The following CNTN4 variants were observed in gnomAD, a reference collection of about 807,000 sequenced individuals.
The protein encoded by CNTN4 is contactin-4.
Under a neutral mutation model 122.5 loss-of-function variants are expected in CNTN4, and 77 were observed. The observed-to-expected ratio is 0.63, with a 90% CI of 0.52 to 0.76. The LOEUF (loss-of-function observed/expected upper bound fraction) is 0.76. CNTN4 is among the 30% of genes least tolerant of loss of function. CNTN4 has a pLI of 0.00. For synonymous variants in CNTN4, 512 were observed against 447.0 expected (o/e 1.15, Z -1.83); for missense variants, 1,256 against 1,259.1 (o/e 1.00, Z 0.04).
chr3:2,618,853 C>T (rs2081882109), intron 4 of CNTN4, among the ~76,000 whole-genome samples: 1 of 152,186 alleles, frequency 6.6e-6, no homozygotes, highest in Non-Finnish European at 1.5e-5. Flanking sequence ...TTTTCAGACA[C>T]ATTGGCAACC....
chr3:2,600,388 C>G (rs1471393266), intron 4 of CNTN4, among the ~76,000 whole-genome samples: 1 of 152,014 alleles, frequency 6.6e-6, no homozygotes, highest in Admixed American at 6.6e-5. Context: ...GTGTGATGTC[C>G]CCCTTCCTGT....
At chr3:2,801,998 C>T (rs1346458345) in intron 6 of CNTN4, among the ~76,000 whole-genome samples, 4 of 152,154 alleles carry the variant, frequency 2.6e-5, no homozygotes, top group Non-Finnish European at 5.9e-5. Flanking sequence ...TGTAAGGAAA[C>T]ATATCATTAT....
chr3:2,576,062 C>T (rs7637354), intron 4 of CNTN4, among the ~76,000 whole-genome samples: 1 of 151,990 alleles, frequency 6.6e-6, no homozygotes, highest in Admixed American at 6.6e-5. Flanking sequence ...GTCTCGATCT[C>T]CTGACCTTGT....
chr3:2,150,107 G>C (rs1376724147), intron 2 of CNTN4, among the ~76,000 whole-genome samples: 2 of 152,018 alleles, frequency 1.3e-5, no homozygotes, highest in African/African-American at 4.8e-5. Flanking sequence ...GACACATTGT[G>C]AGCATTCAGT....
intron 3 of CNTN4, among the ~76,000 whole-genome samples, chr3:2,552,965 G>A (rs1383570025): frequency 6.6e-6 from 1 of 152,124 alleles, no homozygotes; most frequent in African/African-American, 2.4e-5. Context: ...CACTCACTGT[G>A]TGTACTTGAG....
At chr3:2,988,494 T>C in intron 14 of CNTN4, 22 bp downstream of exon 14, 3 of 1,613,106 alleles carry the variant, frequency 1.9e-6, no homozygotes, top group Non-Finnish European at 2.5e-6. Flanking sequence ...CCCAAAGAAT[T>C]CGAATATTTA....
At chr3:2,330,245 G>A (rs543315905) in intron 2 of CNTN4, among the ~76,000 whole-genome samples, 2 of 152,292 alleles carry the variant, frequency 1.3e-5, no homozygotes, top group Admixed American at 6.5e-5. Flanking sequence ...ATAGGAAAAG[G>A]TATGTGCGAA....
At chr3:2,799,564 G>T (rs184761960) in intron 6 of CNTN4, among the ~76,000 whole-genome samples, 8 of 152,162 alleles carry the variant, frequency 5.3e-5, no homozygotes, top group African/African-American at 1.7e-4. Context: ...CGGGGTTCAA[G>T]CGATTCTCCT....
At chr3:2,609,772 T>G (rs187236557) in intron 4 of CNTN4, among the ~76,000 whole-genome samples, 42 of 152,306 alleles carry the variant, frequency 2.8e-4, no homozygotes, top group African/African-American at 9.9e-4. Context: ...TAAAATTACA[T>G]ATTTTCCATT....
chr3:2,483,350 C>T (rs558819107), intron 3 of CNTN4, among the ~76,000 whole-genome samples: 1 of 152,246 alleles, frequency 6.6e-6, no homozygotes, highest in South Asian at 2.1e-4. Flanking sequence ...AAGTAACTAA[C>T]TTGCTTTCGA....
chr3:2,500,682 G>T (rs2076570999), intron 3 of CNTN4, among the ~76,000 whole-genome samples: 1 of 151,486 alleles, frequency 6.6e-6, no homozygotes, highest in African/African-American at 2.4e-5. Context: ...TTTTTTTTCT[G>T]AAGACAACTT....
chr3:2,969,369 C>A (rs1373635431), intron 13 of CNTN4, among the ~76,000 whole-genome samples: 1 of 152,102 alleles, frequency 6.6e-6, no homozygotes, highest in African/African-American at 2.4e-5. Context: ...ACTCCTGAAC[C>A]AATCGCTTTA....
At chr3:2,247,865 T>C (rs1419682414) in intron 2 of CNTN4, among the ~76,000 whole-genome samples, 1 of 152,030 alleles carries the variant, frequency 6.6e-6, no homozygotes, top group Non-Finnish European at 1.5e-5. Flanking sequence ...TGTATTACTA[T>C]TAAATTTTCT....
In CNTN4 at chr3:2,287,101, T is replaced by A. The variant is rs1250028249; in HGVS notation, c.-144-52077T>A. The stretch of plus-strand genomic sequence containing the variant: ...AACTGAACATTTACTTAGCAAGGCT[T>A]GTTGTAGAGATGATTTTATCATTTG... On this transcript the variant is annotated intron_variant, in intron 2 of 24. Coordinates refer to ENST00000418658, the MANE Select transcript of CNTN4 (RefSeq NM_175607.3). Among the ~76,000 whole-genome samples the A allele has an allele frequency of 2.0e-5, 3 of 152,184 alleles. 1 individual carries two copies. The highest frequency in any genetic ancestry group is 1.5e-5 in the Non-Finnish European group (1 of 68,028).
At chr3:2,916,850 G>T (rs985444267) in intron 12 of CNTN4, among the ~76,000 whole-genome samples, 17 of 151,090 alleles carry the variant, frequency 1.1e-4, no homozygotes, top group Non-Finnish European at 2.1e-4. Flanking sequence ...AGACGGGGCA[G>T]CCAGGCAGAG....
chr3:2,214,897 A>C (rs1039424878), intron 2 of CNTN4, among the ~76,000 whole-genome samples: 1 of 152,234 alleles, frequency 6.6e-6, no homozygotes, highest in East Asian at 1.9e-4. Context: ...TTTTGCAAAG[A>C]AGAAAATACT....
At chr3:2,220,622 A>G (rs2039024800) in intron 2 of CNTN4, among the ~76,000 whole-genome samples, 1 of 152,092 alleles carries the variant, frequency 6.6e-6, no homozygotes, top group Admixed American at 6.6e-5. Context: ...GCGTTATCAA[A>G]TCAATTAACT....
At chr3:2,260,561 C>A (rs2040794252) in intron 2 of CNTN4, among the ~76,000 whole-genome samples, 1 of 152,136 alleles carries the variant, frequency 6.6e-6, no homozygotes, top group Non-Finnish European at 1.5e-5. Context: ...CTAGAGTTGG[C>A]TGTCTCCTAT....
At chr3:2,554,480 A>C (rs1249743124) in intron 3 of CNTN4, among the ~76,000 whole-genome samples, 1 of 152,250 alleles carries the variant, frequency 6.6e-6, no homozygotes, top group South Asian at 2.1e-4. Flanking sequence ...ACACATCAGT[A>C]GTGAGGCCAG....
Sources: allele counts gnomAD v4.1 joint callset (sites outside exome capture counted in the v4.1 genomes callset), GRCh38; gene constraint gnomAD v4.1.1; transcripts MANE v1.5; gene names NCBI Gene and HGNC (gene_info 2026-07-23, HGNC 2026-07-21).